ATP10B: variants seen among roughly 807,000 people sequenced by gnomAD.
ATP10B encodes phospholipid-transporting ATPase VB.
Under a neutral mutation model 141.2 loss-of-function variants are expected in ATP10B, and 122 were observed. The observed-to-expected ratio is 0.86, with a 90% confidence interval of 0.75 to 1.00. ATP10B has a LOEUF of 1.00. Among genes scored for constraint, ATP10B ranks in the 50% least tolerant of loss-of-function variants. ATP10B has a pLI of 0.00. For synonymous variants in ATP10B, 685 were observed against 692.0 expected (o/e 0.99, Z 0.16); for missense variants, 1,876 against 1,825.3 (o/e 1.03, Z -0.51).
the ATP10B span, among the ~76,000 whole-genome samples, chr5:160,900,950 G>C: frequency 1.7e-5 from 2 of 114,338 alleles, no homozygotes; most frequent in Admixed American, 1.1e-4. Flanking sequence ...TTATAATCTC[G>C]GTTCTTTCTG....
intron 6 of ATP10B, among the ~76,000 whole-genome samples, chr5:160,675,595 C>T (rs1762978598): frequency 2.0e-5 from 3 of 152,168 alleles, no homozygotes; most frequent in South Asian, 4.1e-4. Flanking sequence ...TGTGGAACTT[C>T]CCATTCCACA....
intron 4 of ATP10B, 63 bp from the exon 5 acceptor site, chr5:160,688,157 T>A: frequency 6.6e-7 from 1 of 1,509,428 alleles, no homozygotes; most frequent in Non-Finnish European, 8.9e-7. Flanking sequence ...GCCTGTTCAT[T>A]TCTCCCCCAT....
the ATP10B span, among the ~76,000 whole-genome samples, chr5:160,867,590 T>A: frequency 2.0e-5 from 3 of 152,142 alleles, no homozygotes; most frequent in Non-Finnish European, 4.4e-5. Context: ...ATTATAAAGA[T>A]AAGCATGTAT....
intron 8 of ATP10B, among the ~76,000 whole-genome samples, chr5:160,645,126 A>AAG (rs1760187346): frequency 6.6e-6 from 1 of 152,010 alleles, no homozygotes; most frequent in African/African-American, 2.4e-5. Context: ...TAAAAAAAAA[A>AAG]AAAAAAAAGG....
intron 2 of ATP10B, among the ~76,000 whole-genome samples, chr5:160,770,897 C>G (rs1769855201): frequency 6.6e-6 from 1 of 152,204 alleles, no homozygotes; most frequent in East Asian, 1.9e-4. Flanking sequence ...GTAACAATTT[C>G]TATAGCGTAG....
intron 2 of ATP10B, among the ~76,000 whole-genome samples, chr5:160,731,675 A>G (rs1479627631): frequency 6.6e-6 from 1 of 152,204 alleles, no homozygotes; most frequent in Admixed American, 6.5e-5. Flanking sequence ...GATATGAATA[A>G]CTAGGGAACT....
At chr5:160,826,402 AC>A in intron 1 of ATP10B, among the ~76,000 whole-genome samples, 2 of 152,246 alleles carry the variant, frequency 1.3e-5, no homozygotes, top group Admixed American at 1.3e-4. Context: ...CCAAATTAAT[AC>A]TTTTATAATT....
At chr5:160,872,157 T>C in the ATP10B span, among the ~76,000 whole-genome samples, 1 of 152,216 alleles carries the variant, frequency 6.6e-6, no homozygotes, top group Non-Finnish European at 1.5e-5. Context: ...TGAGCATTTT[T>C]TCATATATCT....
intron 24 of ATP10B, among the ~76,000 whole-genome samples, chr5:160,575,728 C>A (rs909773442): frequency 5.3e-5 from 8 of 152,080 alleles, no homozygotes; most frequent in Non-Finnish European, 8.8e-5. Flanking sequence ...TAAATAGCCA[C>A]AGTCAATTTG....
At chr5:160,664,197 T>C (rs1762170567) in intron 7 of ATP10B, among the ~76,000 whole-genome samples, 1 of 152,150 alleles carries the variant, frequency 6.6e-6, no homozygotes, top group Admixed American at 6.5e-5. Context: ...CCAGTGCAAA[T>C]CTAGCAGGAA....
intron 24 of ATP10B, among the ~76,000 whole-genome samples, chr5:160,576,343 C>G (rs1380832784): frequency 1.3e-5 from 2 of 152,078 alleles, no homozygotes; most frequent in Admixed American, 6.6e-5. Context: ...ATAAAAGTCA[C>G]CAAATTGAGA....
At chr5:160,705,794 A>G (rs1425216237) in intron 3 of ATP10B, among the ~76,000 whole-genome samples, 2 of 152,182 alleles carry the variant, frequency 1.3e-5, no homozygotes, top group African/African-American at 2.4e-5. Flanking sequence ...TTTTCTTTGC[A>G]TTCACAACTT....
chr5:160,927,347 A>G, the ATP10B span, among the ~76,000 whole-genome samples: 1 of 152,180 alleles, frequency 6.6e-6, no homozygotes, highest in African/African-American at 2.4e-5. Context: ...CATACCTGGC[A>G]TCTAGAAGGA....
intron 2 of ATP10B, among the ~76,000 whole-genome samples, chr5:160,757,288 G>A (rs983497933): frequency 6.6e-4 from 100 of 152,198 alleles, no homozygotes; most frequent in African/African-American, 2.3e-3. Flanking sequence ...TGATCTATAT[G>A]CACAGACCTT....
At chr5:160,596,107 C>G (rs1332300250) in intron 22 of ATP10B, among the ~76,000 whole-genome samples, 3 of 151,720 alleles carry the variant, frequency 2.0e-5, no homozygotes, top group African/African-American at 7.3e-5. Context: ...AATTTTAGAC[C>G]AATATCCTTG....
intron 1 of ATP10B, among the ~76,000 whole-genome samples, chr5:160,847,339 T>C (rs1472118451): frequency 1.3e-5 from 2 of 152,134 alleles, no homozygotes; most frequent in Non-Finnish European, 2.9e-5. Context: ...TCGCCATTTC[T>C]CTGTTTTTAG....
intron 1 of ATP10B, among the ~76,000 whole-genome samples, chr5:160,809,036 G>T (rs528073973): frequency 2.6e-5 from 4 of 152,244 alleles, no homozygotes; most frequent in African/African-American, 9.6e-5. Flanking sequence ...TGTTCTACGT[G>T]TGTTCCTGTC....
chr5:160,714,986 C>G (rs1311775166), intron 3 of ATP10B, among the ~76,000 whole-genome samples: 1 of 92,546 alleles, frequency 1.1e-5, no homozygotes, highest in Non-Finnish European at 2.5e-5. Flanking sequence ...AGATCTCCAG[C>G]TGCGTGCTGG....
intron 3 of ATP10B, among the ~76,000 whole-genome samples, chr5:160,696,299 A>G (rs1314357996): frequency 6.6e-6 from 1 of 151,898 alleles, no homozygotes; most frequent in Non-Finnish European, 1.5e-5. Flanking sequence ...TTGTAGAGAC[A>G]CGGTTTCCCA....
Sources: gnomAD v4.1 joint callset for allele counts (sites outside exome capture counted in the v4.1 genomes callset) on GRCh38, gnomAD v4.1.1 for gene constraint, MANE v1.5 for transcripts, NCBI Gene and HGNC (gene_info 2026-07-23, HGNC 2026-07-21) for gene names.